The following GPRASP2 variants were observed in gnomAD, a reference collection of about 807,000 sequenced individuals.
GPRASP2 encodes the protein G protein-coupled receptor-associated sorting protein 2.
In GPRASP2, 10 loss-of-function variants were observed where a neutral mutation model predicts 36.0. That is an observed-to-expected ratio of 0.28 (90% CI 0.17 to 0.47). GPRASP2 has a LOEUF of 0.47. Among genes scored for constraint, GPRASP2 ranks in the 20% least tolerant of loss-of-function variants. The pLI, the probability that GPRASP2 is intolerant of heterozygous loss-of-function variation, is 0.99. For synonymous variants in GPRASP2, 219 were observed against 230.5 expected, an observed-to-expected ratio of 0.95 and a Z score of 0.45; for missense variants, 538 against 626.7, an observed-to-expected ratio of 0.86 and a Z score of 1.51.
rs1366332983 is a variant in GPRASP2, at chrX:102,714,995, C to T, written c.126C>T (p.Thr42=). Residue 42 remains threonine, a synonymous_variant, in exon 5 of 5, where the codon ACC becomes ACT. Coordinates refer to ENST00000483720, the MANE Select transcript of GPRASP2 (RefSeq NM_001004051.4). ...VPLVVRPKVR[T]QATTGARPKT... is the part of the protein sequence containing the mutation. ...TGGTGGTCAGACCCAAGGTTAGGAC[C>T]CAGGCAACTACTGGGGCAAGGCCCA... The T allele has an allele frequency of 2.5e-6, 3 of 1,211,300 alleles. No homozygotes were observed. The highest frequency in any genetic ancestry group is 2.2e-5 in the Admixed American group (1 of 45,994).
Position 102,715,541 on chromosome X carries a change from C to T in GPRASP2, c.672C>T (p.Phe224=). ...AGGAGGCCTCTAATGAGTCTGGGTTCTGGTCAGCAGATGAGACCTCTACAG... is the reference window on the plus strand; with the variant it reads ...AGGAGGCCTCTAATGAGTCTGGGTTTTGGTCAGCAGATGAGACCTCTACAG... ...AREEASNESG[F]WSADETSTAS... Residue 224 remains phenylalanine, a synonymous_variant, in exon 5 of 5, where the codon TTC becomes TTT. Coordinates refer to ENST00000483720, the MANE Select transcript of GPRASP2 (RefSeq NM_001004051.4). 8.3e-7 allele frequency: 1 copy of T among 1,211,863 alleles called. No individual in the cohort carries two copies. The highest frequency in any genetic ancestry group is 1.1e-6 in the Non-Finnish European group (1 of 895,563).
At chrX:102,712,787 G>C (rs1400943911) in intron 1 of GPRASP2, among the ~76,000 whole-genome samples, 1 of 112,916 alleles carries the variant, frequency 8.9e-6, no homozygotes, top group African/African-American at 3.2e-5. Flanking sequence ...CCGCCAGATC[G>C]TTTGGAGGAG....
rs2081969729 is a variant in GPRASP2 at position 102,716,680 on chromosome X, T to C, written c.1811T>C (p.Leu604Ser). Residue 604 changes from leucine (L) to serine (S), a missense_variant, in exon 5 of 5, where the codon TTA becomes TCA. By Grantham distance (145) the Leu-to-Ser change is moderately radical (BLOSUM62 -2). This residue lies in a region of GPRASP2 where 262 missense variants were observed against 351.7 expected (regional missense o/e 0.74). Coordinates refer to ENST00000483720, the MANE Select transcript of GPRASP2 (RefSeq NM_001004051.4). Reference protein sequence around the residue: ...GSEEFEEFLLLMDKIRDPFIH... With the variant: ...GSEEFEEFLLSMDKIRDPFIH... ...GAAGAGTTTGAAGAATTCCTTTTAT[T>C]AATGGACAAAATTCGGGATCCTTTT... 1 of 1,210,586 alleles carries C rather than the reference T, an allele frequency of 8.3e-7. No individual in the cohort carries two copies. The highest frequency in any genetic ancestry group is 1.1e-6 in the Non-Finnish European group (1 of 895,436).
intron 4 of GPRASP2, 31 bp downstream of exon 4, chrX:102,714,297 G>A (rs779222910): frequency 1.8e-5 from 2 of 112,757 alleles, no homozygotes; most frequent in African/African-American, 6.5e-5. Context: ...ACTTTTGGGC[G>A]GGGTAGTGGA....
chrX:102,714,790 A>G lies in GPRASP2; in HGVS notation c.-80A>G. On this transcript the variant is annotated 5_prime_UTR_variant, in exon 5 of 5. Transcript: ENST00000483720. ...TCACCTAAAGATCAGAGTGTGAAGA[A>G]ACAAACCTGTGACAGATCTGTGGTT... 1.7e-6 allele frequency: 2 copies of G among 1,147,290 alleles called. No homozygotes were observed. Among genetic ancestry groups the G allele is most frequent in the Non-Finnish European group, 2.3e-6 (2 of 865,288 alleles). 94.5% of individuals were successfully genotyped at this position (1,147,290 alleles called of 1,213,427 possible).
Position 102,715,960 on chromosome X carries a change from T to C in GPRASP2, c.1091T>C (p.Leu364Pro). The change falls in exon 5 of 5, where the codon CTC becomes CCC. Residue 364 changes from leucine (L) to proline (P), a missense_variant. Physicochemically the swap from Leu to Pro is moderately conservative, Grantham distance 98. This residue lies in a region of GPRASP2 where 276 missense variants were observed against 275.0 expected (regional missense o/e 1.00). Coordinates refer to ENST00000483720, the MANE Select transcript of GPRASP2 (RefSeq NM_001004051.4). The part of the protein sequence containing the change: ...DKEDPNTALK[L>P]RAQKDVDSDR... ...GAAGATCCTAATACTGCCTTGAAAC[T>C]CAGGGCCCAGAAAGATGTTGACAGT... The C allele has an allele frequency of 1.7e-6, 2 of 1,211,381 alleles. No individual in the cohort carries two copies. Among genetic ancestry groups the C allele is most frequent in the Non-Finnish European group, 2.2e-6 (2 of 895,463 alleles).
At chrX:102,712,995 A>T (rs1046103341) in intron 1 of GPRASP2, 135 bp from the exon 2 acceptor site, 5 of 112,003 alleles carry the variant, frequency 4.5e-5, no homozygotes, top group African/African-American at 1.6e-4. Flanking sequence ...CTCTGTACCC[A>T]GTCCGCCGGA....
Position 102,717,432 on chromosome X carries a change from C to A in GPRASP2, c.*46C>A, listed in dbSNP as rs1287928369. The A allele has an allele frequency of 9.8e-7, 1 of 1,018,093 alleles. No individual in the cohort carries two copies. Among genetic ancestry groups the A allele is most frequent in the African/African-American group, 1.9e-5 (1 of 51,725 alleles). 83.9% of individuals were successfully genotyped at this position (1,018,093 alleles called of 1,213,427 possible). ...TGATCAGCCTTATGTTCCCAAAGAG[C>A]CCTGAGTAGTGCTTTGGTGTTCACA... On this transcript the variant is annotated 3_prime_UTR_variant, in exon 5 of 5. Transcript: ENST00000483720.
chrX:102,717,212 TA>T lies in GPRASP2; in HGVS notation c.2347del (p.Met783CysfsTer9). Reference protein sequence around the residue: ...ETNDNIQIVIKMFQNISNIIK... With the variant: ...ETNDNIQIVIXMFQNISNIIK... ...CAAATGATAATATTCAAATTGTTAT[TA>T]AAATGTTTCAGAATATCAGTAACAT... is the stretch of plus-strand genomic sequence containing the variant. On this transcript the variant is annotated frameshift_variant, in exon 5 of 5. Coordinates refer to ENST00000483720, the MANE Select transcript of GPRASP2 (RefSeq NM_001004051.4). LOFTEE classifies it high-confidence loss of function. The T allele has an allele frequency of 8.9e-7, 1 of 1,125,812 alleles. No homozygotes were observed. The highest frequency in any genetic ancestry group is 1.2e-6 in the Non-Finnish European group (1 of 853,170). The allele number at this position is 1,125,812 out of a possible 1,213,427, so 92.8% of individuals were successfully genotyped here. A position where few individuals can be genotyped will look rare whatever the true frequency, so the allele number is the denominator to read the frequency against.
intron 2 of GPRASP2, among the ~76,000 whole-genome samples, 156 bp downstream of exon 2, chrX:102,713,373 C>T (rs1341391288): frequency 8.9e-6 from 1 of 112,082 alleles, no homozygotes; most frequent in African/African-American, 3.2e-5. Context: ...CTGTCTCCCC[C>T]ACCGTCCTAA....
Position 102,715,975 on chromosome X carries a change from A to T in GPRASP2, c.1106A>T (p.Asp369Val). The T allele has an allele frequency of 8.3e-7, 1 of 1,211,454 alleles. No homozygotes were observed. The highest frequency in any genetic ancestry group is 1.1e-6 in the Non-Finnish European group (1 of 895,471). ...NTALKLRAQK[D>V]VDSDRVKQEP... ...GCCTTGAAACTCAGGGCCCAGAAAGATGTTGACAGTGATAGGGTCAAACAA... is the reference window on the plus strand; with the variant it reads ...GCCTTGAAACTCAGGGCCCAGAAAGTTGTTGACAGTGATAGGGTCAAACAA... The change falls in exon 5 of 5, where the codon GAT becomes GTT. Residue 369 changes from aspartate to valine, a missense_variant. By Grantham distance (152) the Asp-to-Val change is radical. Around this residue, in one of 2 missense-constraint regions of GPRASP2, gnomAD observed 276 missense variants for 275.0 expected, o/e 1.00. Transcript: ENST00000483720.
rs1227329202 is a variant in GPRASP2 at position 102,713,869 on chromosome X, G to A, written c.-412+20G>A. 1 of 112,041 alleles carries A rather than the reference G, an allele frequency of 8.9e-6. No homozygotes were observed. Among genetic ancestry groups the A allele is most frequent in the African/African-American group, 3.2e-5 (1 of 30,778 alleles). 9.2% of individuals were successfully genotyped at this position (112,041 alleles called of 1,213,427 possible). ...CTGGAGGTTAGTGAGAAGGGGGAGA[G>A]GACAATGCAGGGGACAGTTGGAGAG... On this transcript the variant is annotated intron_variant, in intron 3 of 4. Transcript: ENST00000483720.
chrX:102,715,559 C>A lies in GPRASP2; in HGVS notation c.690C>A (p.Thr230=), dbSNP rs1251802172. ...NESGFWSADE[T]STASSFWTGE... is the part of the protein sequence containing the mutation. ...CTGGGTTCTGGTCAGCAGATGAGACCTCTACAGCGTCTTCTTTCTGGACTG... is the reference window on the plus strand; with the variant it reads ...CTGGGTTCTGGTCAGCAGATGAGACATCTACAGCGTCTTCTTTCTGGACTG... The change falls in exon 5 of 5, where the codon ACC becomes ACA. Residue 230 remains threonine, a synonymous_variant. Coordinates refer to ENST00000483720, the MANE Select transcript of GPRASP2 (RefSeq NM_001004051.4). The A allele has an allele frequency of 5.0e-6, 6 of 1,211,677 alleles. No individual in the cohort carries two copies. Among genetic ancestry groups the A allele is most frequent in the Non-Finnish European group, 2.2e-6 (2 of 895,535 alleles).
At position 102,716,133 on chromosome X, in the gene GPRASP2, G is replaced by A. The variant is rs763037008; in HGVS notation, c.1264G>A (p.Ala422Thr). The change falls in exon 5 of 5, where the codon GCG (alanine) becomes ACG (threonine). Residue 422 changes from alanine (A) to threonine (T), a missense_variant. Ala to Thr is a moderately conservative substitution (Grantham distance 58, BLOSUM62 0). Coordinates refer to ENST00000483720, the MANE Select transcript of GPRASP2 (RefSeq NM_001004051.4). ...TGAGGAGGGGGCCATTGGCGGATCC[G>A]CGTACTGGGCTGAGGAAAAGTCCAG... The part of the protein sequence containing the change: ...GTEEGAIGGS[A>T]YWAEEKSSLG... The A allele has an allele frequency of 1.5e-5, 18 of 1,195,120 alleles. No individual in the cohort carries two copies. The highest frequency in any genetic ancestry group is 3.0e-5 in the East Asian group (1 of 33,630).
At position 102,715,028 on chromosome X, in the gene GPRASP2, G is replaced by T. The variant is rs752715441; in HGVS notation, c.159G>T (p.Glu53Asp). The part of the protein sequence containing the change: ...QATTGARPKT[E>D]TKSVPAARPK... ...CTACTGGGGCAAGGCCCAAAACTGA[G>T]ACCAAGTCTGTGCCTGCGGCAAGGC... Residue 53 changes from glutamate to aspartate, a missense_variant, in exon 5 of 5, where the codon GAG (glutamate) becomes GAT (aspartate). By Grantham distance (45) the Glu-to-Asp change is conservative. Around this residue, in one of 2 missense-constraint regions of GPRASP2, gnomAD observed 276 missense variants for 275.0 expected, o/e 1.00. Transcript: ENST00000483720. 5.8e-6 allele frequency: 7 copies of T among 1,211,490 alleles called. No homozygotes were observed. The highest frequency in any genetic ancestry group is 7.8e-6 in the Non-Finnish European group (7 of 895,561).
rs755104610 is a variant in GPRASP2 at position 102,715,617 on chromosome X, G to A, written c.748G>A (p.Glu250Lys). The A allele has an allele frequency of 9.1e-6, 11 of 1,211,710 alleles. No homozygotes were observed. Among genetic ancestry groups the A allele is most frequent in the Non-Finnish European group, 1.1e-5 (10 of 895,552 alleles). ...EETSVRSWPR[E>K]ESNTRSRHRA... ...GACAAGTGTCAGATCATGGCCCAGG[G>A]AAGAGTCCAATACCAGGTCCAGGCA... The change falls in exon 5 of 5, where the codon GAA (glutamate) becomes AAA (lysine). Residue 250 changes from glutamate to lysine, a missense_variant. This residue lies in a region of GPRASP2 where 276 missense variants were observed against 275.0 expected (regional missense o/e 1.00). Transcript: ENST00000483720.
Position 102,715,600 on chromosome X carries a change from T to C in GPRASP2, c.731T>C (p.Val244Ala). Residue 244 changes from valine (V) to alanine (A), a missense_variant, in exon 5 of 5, where the codon GTC (valine) becomes GCC (alanine). Physicochemically the swap from Val to Ala is moderately conservative, Grantham distance 64. Coordinates refer to ENST00000483720, the MANE Select transcript of GPRASP2 (RefSeq NM_001004051.4). ...TTCTGGACTGGAGAAGAGACAAGTG[T>C]CAGATCATGGCCCAGGGAAGAGTCC... is the stretch of plus-strand genomic sequence containing the variant. Reference protein sequence around the residue: ...SSFWTGEETSVRSWPREESNT... With the variant: ...SSFWTGEETSARSWPREESNT... 2.5e-6 allele frequency: 3 copies of C among 1,211,217 alleles called. No individual in the cohort carries two copies. Among genetic ancestry groups the C allele is most frequent in the Non-Finnish European group, 3.4e-6 (3 of 895,407 alleles).
Position 102,715,837 on chromosome X carries a change from A to T in GPRASP2, c.968A>T (p.Glu323Val). 3 of 1,211,694 alleles carry T rather than the reference A, an allele frequency of 2.5e-6. No individual in the cohort carries two copies. Among genetic ancestry groups the T allele is most frequent in the Non-Finnish European group, 3.3e-6 (3 of 895,547 alleles). ...AGGTCCAAGCTCAGGACAAATAGAG[A>T]AGATTGTTTTGAATCTGAGTCTGAA... ...NIRSKLRTNR[E>V]DCFESESEDE... The change falls in exon 5 of 5, where the codon GAA (glutamate) becomes GTA (valine). Residue 323 changes from glutamate to valine, a missense_variant. By Grantham distance (121) the Glu-to-Val change is moderately radical. This residue lies in a region of GPRASP2 where 276 missense variants were observed against 275.0 expected (regional missense o/e 1.00). Transcript: ENST00000483720.
In GPRASP2 at chrX:102,713,159, G is replaced by A. The variant is rs1334576242; in HGVS notation, c.-538G>A. The A allele has an allele frequency of 1.8e-5, 2 of 112,713 alleles. No homozygotes were observed. The highest frequency in any genetic ancestry group is 3.8e-5 in the Non-Finnish European group (2 of 53,284). The allele number at this position is 112,713 out of a possible 1,213,427, so 9.3% of individuals were successfully genotyped here. On this transcript the variant is annotated 5_prime_UTR_variant, in exon 2 of 5. Transcript: ENST00000483720. ...GGCGTATTCTGACAGGACACAGTGA[G>A]CGTCTGTAGAGGAGAGGCTTGAAAT...
Sources: gnomAD v4.1 joint callset for allele counts (sites outside exome capture counted in the v4.1 genomes callset) on GRCh38, gnomAD v4.1.1 for gene constraint, gnomAD v4.1.1 regional missense constraint, MANE v1.5 for transcripts, NCBI Gene and HGNC (gene_info 2026-07-23, HGNC 2026-07-21) for gene names.